The following SIPA1L2 variants were observed in gnomAD, a reference collection of about 807,000 sequenced individuals.
SIPA1L2 encodes signal induced proliferation associated 1 like 2.
Under a neutral mutation model 163.9 loss-of-function variants are expected in SIPA1L2, and 56 were observed. The ratio of observed to expected loss-of-function variants is 0.34; its 90% confidence interval spans 0.28 to 0.43. The LOEUF (loss-of-function observed/expected upper bound fraction) is 0.43, where lower values mean the gene tolerates loss of function less well. SIPA1L2 is among the 20% of genes least tolerant of loss of function. The pLI is 1.00. For missense variants in SIPA1L2, 1,974 were observed against 2,193.5 expected, an observed-to-expected ratio of 0.90 and a Z score of 2.00; for synonymous variants, 877 against 865.7, an observed-to-expected ratio of 1.01 and a Z score of -0.23.
chr1:232,438,026 C>T (rs1168262540), intron 15 of SIPA1L2, among the ~76,000 whole-genome samples: 2 of 151,954 alleles, frequency 1.3e-5, no homozygotes, highest in East Asian at 1.9e-4. Flanking sequence ...CCAATATGAC[C>T]CTGGTGGCAT....
At chr1:232,433,740 A>T (rs955956492) in intron 15 of SIPA1L2, among the ~76,000 whole-genome samples, 12 of 152,242 alleles carry the variant, frequency 7.9e-5, no homozygotes, top group Admixed American at 4.6e-4. Flanking sequence ...CTTTATAAAT[A>T]TGAAAAATTT....
intron 1 of SIPA1L2, among the ~76,000 whole-genome samples, chr1:232,584,712 T>C (rs960248829): frequency 2.0e-5 from 3 of 152,238 alleles, no homozygotes; most frequent in African/African-American, 4.8e-5. Context: ...AAAGGGAAAG[T>C]ATCCATTCTC....
intron 17 of SIPA1L2, among the ~76,000 whole-genome samples, chr1:232,427,351 G>C (rs899677617): frequency 2.6e-5 from 4 of 152,214 alleles, no homozygotes; most frequent in Non-Finnish European, 5.9e-5. Flanking sequence ...TAATTAGAGT[G>C]TTGTTCTAAA....
At chr1:232,596,974 G>A (rs1661288087) in intron 1 of SIPA1L2, among the ~76,000 whole-genome samples, 1 of 152,186 alleles carries the variant, frequency 6.6e-6, no homozygotes, top group African/African-American at 2.4e-5. Context: ...TCTGCTGGCA[G>A]GACCATTTGG....
At chr1:232,571,240 CTAAAACGA>C (rs981529097) in intron 2 of SIPA1L2, among the ~76,000 whole-genome samples, 3 of 152,090 alleles carry the variant, frequency 2.0e-5, no homozygotes, top group Non-Finnish European at 4.4e-5. Context: ...AACATAAACA[CTAAAACGA>C]TAAAACACTT....
rs767203388 is a variant in SIPA1L2, at chr1:232,519,429, T to TACCACTCCAAAACTGGATGGC, written c.-269-3842_-269-3822dup. 4.8e-3 allele frequency among the ~76,000 whole-genome samples: 736 copies of TACCACTCCAAAACTGGATGGC among 152,266 alleles called. 4 individuals carry two copies. The highest frequency in any genetic ancestry group is 7.0e-3 in the Non-Finnish European group (475 of 68,024). ...GCTCTGGATGCCTGCCCGTGAATGG[T>TACCACTCCAAAACTGGATGGC]ACCACTCCAAAACTGGATGGCACAT... is the stretch of plus-strand genomic sequence containing the variant. On this transcript the variant is annotated intron_variant, in intron 2 of 22. Coordinates refer to ENST00000674635, the MANE Select transcript of SIPA1L2 (RefSeq NM_020808.5).
At chr1:232,466,897 A>G (rs1399846374) in intron 8 of SIPA1L2, among the ~76,000 whole-genome samples, 1 of 152,246 alleles carries the variant, frequency 6.6e-6, no homozygotes, top group African/African-American at 2.4e-5. Flanking sequence ...CACCCCAATT[A>G]CTGAGTAGCT....
chr1:232,565,916 T>C (rs1051842873), intron 2 of SIPA1L2, among the ~76,000 whole-genome samples: 11 of 152,310 alleles, frequency 7.2e-5, no homozygotes, highest in Admixed American at 6.5e-4. Context: ...GTATACACTG[T>C]CAGGGTTAAG....
chr1:232,549,706 G>T (rs992892451), intron 2 of SIPA1L2, among the ~76,000 whole-genome samples: 2 of 152,116 alleles, frequency 1.3e-5, no homozygotes. Context: ...CACAAATAAG[G>T]GAGGAAAAAC....
At chr1:232,447,016 C>T (rs1451939311) in intron 10 of SIPA1L2, among the ~76,000 whole-genome samples, 1 of 152,186 alleles carries the variant, frequency 6.6e-6, no homozygotes, top group African/African-American at 2.4e-5. Flanking sequence ...TTCAACTTTA[C>T]ATTTTACGAA....
intron 9 of SIPA1L2, among the ~76,000 whole-genome samples, chr1:232,463,874 T>A (rs1163905737): frequency 1.3e-5 from 2 of 152,172 alleles, no homozygotes; most frequent in Non-Finnish European, 2.9e-5. Context: ...AGTCCACAAA[T>A]AATGAAATTA....
At chr1:232,565,515 G>A (rs1457921260) in intron 2 of SIPA1L2, among the ~76,000 whole-genome samples, 2 of 152,214 alleles carry the variant, frequency 1.3e-5, no homozygotes, top group Admixed American at 6.5e-5. Context: ...AAGACAGCAA[G>A]AGGAGCTGCT....
rs780192806 is a variant in SIPA1L2 at position 232,402,486 on chromosome 1, G to C, written c.4941-13C>G. ...TGGAGAACGCTCCCTAGCAAATAAG[G>C]ATAGAATTAGAAAGATTCAAGAGAG... On this transcript the variant is annotated splice_polypyrimidine_tract_variant and intron_variant, in intron 21 of 22. Coordinates refer to ENST00000674635, the MANE Select transcript of SIPA1L2 (RefSeq NM_020808.5). 1.6e-5 allele frequency: 26 copies of C among 1,607,280 alleles called. No individual in the cohort carries two copies. Among genetic ancestry groups the C allele is most frequent in the Non-Finnish European group, 2.2e-5 (26 of 1,176,700 alleles).
chr1:232,475,490 G>A (rs1665001799), intron 7 of SIPA1L2, among the ~76,000 whole-genome samples: 1 of 152,196 alleles, frequency 6.6e-6, no homozygotes. Context: ...GAGGCGTATA[G>A]AGTTTCCTAC....
chr1:232,402,691 T>C (rs1219443023), intron 21 of SIPA1L2: 1 of 374,466 alleles, frequency 2.7e-6, no homozygotes, highest in East Asian at 4.9e-5. Context: ...ACTCTATAGA[T>C]ATACGAGTTG....
chr1:232,557,539 CTT>C (rs1658784385), intron 2 of SIPA1L2, among the ~76,000 whole-genome samples: 2 of 152,236 alleles, frequency 1.3e-5, no homozygotes, highest in African/African-American at 4.8e-5. Flanking sequence ...CTCTCTCACT[CTT>C]GTTAACCCAA....
intron 1 of SIPA1L2, among the ~76,000 whole-genome samples, chr1:232,580,074 T>C (rs1239439490): frequency 6.6e-6 from 1 of 152,194 alleles, no homozygotes; most frequent in Non-Finnish European, 1.5e-5. Context: ...ATACTTATAG[T>C]TATTTCTTGA....
At chr1:232,569,544 G>A (rs1659598015) in intron 2 of SIPA1L2, among the ~76,000 whole-genome samples, 1 of 152,230 alleles carries the variant, frequency 6.6e-6, no homozygotes, top group Non-Finnish European at 1.5e-5. Flanking sequence ...CAGGCATGGT[G>A]GCTCACACCT....
intron 2 of SIPA1L2, among the ~76,000 whole-genome samples, chr1:232,553,274 T>G (rs1432959348): frequency 6.6e-6 from 1 of 152,182 alleles, no homozygotes; most frequent in Non-Finnish European, 1.5e-5. Flanking sequence ...CAGATGCTCC[T>G]CCTCGTCTCT....
Sources: gnomAD v4.1 joint callset for allele counts (sites outside exome capture counted in the v4.1 genomes callset) on GRCh38, gnomAD v4.1.1 for gene constraint, MANE v1.5 for transcripts, NCBI Gene and HGNC (gene_info 2026-07-23, HGNC 2026-07-21) for gene names.